Variants in GCN1 observed in about 807,000 individuals in gnomAD.
GCN1 encodes the protein GCN1 activator of EIF2AK4.
Under a neutral mutation model 288.4 loss-of-function variants are expected in GCN1, and 90 were observed. That is an observed-to-expected ratio of 0.31 (90% confidence interval 0.26 to 0.37). GCN1 has a LOEUF of 0.37. Ranked by LOEUF, GCN1 falls within the 10% of genes least tolerant of loss-of-function variation. The probability of loss-of-function intolerance (pLI) is 1.00; values close to 1 mark genes in which losing one functional copy is unlikely to be tolerated. For missense variants in GCN1, 2,586 were observed against 3,419.9 expected (o/e 0.76, Z 6.08); for synonymous variants, 1,386 against 1,420.2 (o/e 0.98, Z 0.54).
intron 36 of GCN1, 140 bp from the exon 37 acceptor site, chr12:120,148,486 G>A: frequency 1.5e-6 from 1 of 673,768 alleles, no homozygotes; most frequent in Non-Finnish European, 2.5e-6. Flanking sequence ...GAGGGGAGAG[G>A]GGGCTGGCTC....
At chr12:120,180,611 A>C (rs1280004166) in intron 5 of GCN1, among the ~76,000 whole-genome samples, 1 of 151,970 alleles carries the variant, frequency 6.6e-6, no homozygotes, top group Non-Finnish European at 1.5e-5. Flanking sequence ...CTCAAAAAAA[A>C]ACAAACAAAA....
At position 120,174,882 on chromosome 12, in the gene GCN1, T is replaced by C. The variant is rs189185090; in HGVS notation, c.1093+280A>G. The stretch of plus-strand genomic sequence containing the variant: ...TGTACCTGCCTGTAATCCCAGCACT[T>C]TGGGAGGCTGAGGCGGGCAGATCAC... On this transcript the variant is annotated intron_variant, in intron 12 of 57. Coordinates refer to ENST00000300648, the MANE Select transcript of GCN1 (RefSeq NM_006836.2). 1.0e-3 allele frequency among the ~76,000 whole-genome samples: 157 copies of C among 151,488 alleles called. 1 individual carries two copies. The highest frequency in any genetic ancestry group is 3.5e-3 in the African/African-American group (146 of 41,252).
In GCN1 at chr12:120,138,851, C is replaced by G; in HGVS notation, c.6000G>C (p.Leu2000=). The change falls in exon 46 of 58, where the codon CTG becomes CTC. Residue 2000 remains leucine, a synonymous_variant. Transcript: ENST00000300648. ...TGGGCACGAGGGATTCAGAGAAATA[C>G]AGCACCTGCAATGGCAAGCTACAAC... ...IMKSTSRDAV[L]YFSESLVPTA... The G allele has an allele frequency of 6.2e-7, 1 of 1,608,158 alleles. No homozygotes were observed. The highest frequency in any genetic ancestry group is 8.5e-7 in the Non-Finnish European group (1 of 1,175,786).
chr12:120,154,061 C>T (rs1384268588), intron 31 of GCN1, 152 bp from the exon 32 acceptor site: 6 of 640,316 alleles, frequency 9.4e-6, no homozygotes, highest in South Asian at 7.8e-5. Flanking sequence ...CCACCCAGTG[C>T]TCACCCAATG....
At chr12:120,141,297 G>A (rs769415321) in intron 44 of GCN1, among the ~76,000 whole-genome samples, 2 of 152,138 alleles carry the variant, frequency 1.3e-5, no homozygotes, top group Non-Finnish European at 1.5e-5. Context: ...ATCATCTGCT[G>A]CACAGTCAAG....
chr12:120,163,858 C>T (rs1374870913), intron 18 of GCN1, among the ~76,000 whole-genome samples: 2 of 152,168 alleles, frequency 1.3e-5, no homozygotes, highest in Non-Finnish European at 2.9e-5. Context: ...CACGGTGGCT[C>T]GTGCCTGTAA....
At chr12:120,163,493 C>G (rs1235941466) in intron 18 of GCN1, among the ~76,000 whole-genome samples, 1 of 152,226 alleles carries the variant, frequency 6.6e-6, no homozygotes, top group Non-Finnish European at 1.5e-5. Context: ...GTAAAGAAGG[C>G]ACCAGGAACT....
At chr12:120,141,092 G>A in intron 44 of GCN1, 69 bp from the exon 45 acceptor site, 1 of 1,357,440 alleles carries the variant, frequency 7.4e-7, no homozygotes, top group Non-Finnish European at 1.0e-6. Flanking sequence ...GAGGACTCCA[G>A]AATGAGGGCC....
rs776613737 is a variant in GCN1 at position 120,177,570 on chromosome 12, G to T, written c.730-15C>A. ...GCACAGCTATCCTACAAAGAAAAAG[G>T]AATAAGGCACCTAGCCCTCATGGGA... On this transcript the variant is annotated splice_polypyrimidine_tract_variant and intron_variant, in intron 8 of 57. Transcript: ENST00000300648. 5.7e-6 allele frequency: 9 copies of T among 1,576,922 alleles called. No homozygotes were observed. Among genetic ancestry groups the T allele is most frequent in the Non-Finnish European group, 7.9e-6 (9 of 1,146,164 alleles).
intron 5 of GCN1, among the ~76,000 whole-genome samples, chr12:120,179,525 G>A (rs370382216): frequency 8.6e-5 from 13 of 150,706 alleles, no homozygotes; most frequent in African/African-American, 1.2e-4. Context: ...TCAGCCTCCC[G>A]AGTAGCTAGG....
chr12:120,193,360 C>T (rs949417653), intron 1 of GCN1, among the ~76,000 whole-genome samples: 3 of 151,994 alleles, frequency 2.0e-5, no homozygotes, highest in African/African-American at 7.3e-5. Flanking sequence ...GGCTGGAGCG[C>T]AGTGGTGCGA....
Position 120,194,703 on chromosome 12 carries a change from CG to C in GCN1, c.-7del. On this transcript the variant is annotated 5_prime_UTR_variant, in exon 1 of 58. Coordinates refer to ENST00000300648, the MANE Select transcript of GCN1 (RefSeq NM_006836.2). ...ACCTGCGTGTCCGCCGCCATCCTGC[CG>C]GGGCTGACTCCGGAACCGCTTCCGG... 1 of 1,510,346 alleles carries C rather than the reference CG, an allele frequency of 6.6e-7. No individual in the cohort carries two copies. The highest frequency in any genetic ancestry group is 2.0e-5 in the Admixed American group (1 of 48,886). The allele number at this position is 1,510,346 out of a possible 1,614,324, so 93.6% of individuals were successfully genotyped here.
At chr12:120,165,108 G>A (rs953883285) in intron 16 of GCN1, among the ~76,000 whole-genome samples, 2 of 150,452 alleles carry the variant, frequency 1.3e-5, no homozygotes, top group South Asian at 2.1e-4. Flanking sequence ...GCAGTGGCAC[G>A]ATCTCAGGGC....
chr12:120,145,406 A>C, intron 38 of GCN1, 76 bp from the exon 39 acceptor site: 1 of 1,098,696 alleles, frequency 9.1e-7, no homozygotes, highest in Non-Finnish European at 1.3e-6. Context: ...GTGGACCCTG[A>C]CCTCCCCATT....
chr12:120,163,895 G>A (rs1409523108), intron 18 of GCN1, among the ~76,000 whole-genome samples: 1 of 152,194 alleles, frequency 6.6e-6, no homozygotes, highest in Non-Finnish European at 1.5e-5. Context: ...AGCCGAGGTA[G>A]GAGGATCACT....
At position 120,130,641 on chromosome 12, in the gene GCN1, C is replaced by CT. The variant is rs1876785709; in HGVS notation, c.7671+4dup. 2 of 1,598,252 alleles carry CT rather than the reference C, an allele frequency of 1.3e-6. No homozygotes were observed. Among genetic ancestry groups the CT allele is most frequent in the East Asian group, 4.5e-5 (2 of 44,822 alleles). ...GGCTTAAACACATGCTTGGCCCCCACTCACCTTAACGAACAGGCTGGAAAG... is the reference window on the plus strand; with the variant it reads ...GGCTTAAACACATGCTTGGCCCCCACTTCACCTTAACGAACAGGCTGGAAAG... On this transcript the variant is annotated splice_donor_region_variant and intron_variant, in intron 56 of 57. Transcript: ENST00000300648.
In GCN1 at chr12:120,142,973, G is replaced by A; in HGVS notation, c.5496-32C>T. On this transcript the variant is annotated intron_variant, in intron 42 of 57. Transcript: ENST00000300648. The surrounding 1 kb of genome is among the most constrained non-coding windows in gnomAD (Gnocchi z 4.9). ...AGGAGGCCAACAACACAGTCACACA[G>A]CTGCAAGGAGTGGGCTCGGCACAAC... 7.4e-7 allele frequency: 1 copy of A among 1,343,618 alleles called. No homozygotes were observed. 83.2% of individuals were successfully genotyped at this position (1,343,618 alleles called of 1,614,324 possible).
chr12:120,186,798 G>T (rs573817644), intron 2 of GCN1, among the ~76,000 whole-genome samples: 2 of 152,332 alleles, frequency 1.3e-5, no homozygotes, highest in East Asian at 3.9e-4. Context: ...TATCAGGGAA[G>T]TACTACTGCT....
rs747142006 is a variant in GCN1, at chr12:120,134,617, T to C, written c.7118A>G (p.Lys2373Arg). Residue 2373 changes from lysine (K) to arginine (R), a missense_variant, in exon 52 of 58, where the codon AAG becomes AGG. Around this residue, in one of 8 missense-constraint regions of GCN1, gnomAD observed 355 missense variants for 431.1 expected, o/e 0.82. Coordinates refer to ENST00000300648, the MANE Select transcript of GCN1 (RefSeq NM_006836.2). The surrounding 1 kb of genome is among the most constrained non-coding windows in gnomAD (Gnocchi z 5.0). ...VRLKAADALGKLISIHIKVDP... is the reference protein window; with the variant it reads ...VRLKAADALGRLISIHIKVDP... ...CACCTTAATGTGGATGGAAATGAGCTTCCCCAGAGCATCTGCGGCCTTCAG... is the reference window on the plus strand; with the variant it reads ...CACCTTAATGTGGATGGAAATGAGCCTCCCCAGAGCATCTGCGGCCTTCAG... 1 of 1,613,998 alleles carries C rather than the reference T, an allele frequency of 6.2e-7. No individual in the cohort carries two copies. Among genetic ancestry groups the C allele is most frequent in the Non-Finnish European group, 8.5e-7 (1 of 1,179,996 alleles).
Sources: gnomAD v4.1 joint callset for allele counts (sites outside exome capture counted in the v4.1 genomes callset) on GRCh38, gnomAD v4.1.1 for gene constraint, gnomAD v4.1.1 regional missense constraint, Gnocchi (gnomAD v3.1) non-coding constraint, MANE v1.5 for transcripts, NCBI Gene and HGNC (gene_info 2026-07-23, HGNC 2026-07-21) for gene names.